QTMAN: variants seen among roughly 807,000 people sequenced by gnomAD.
QTMAN encodes tRNA-queuosine alpha-mannosyltransferase.
the QTMAN span, among the ~76,000 whole-genome samples, chr2:144,039,269 T>C: frequency 2.0e-5 from 3 of 152,162 alleles, no homozygotes; most frequent in African/African-American, 4.8e-5. Flanking sequence ...GGAGATAAAG[T>C]GTGTGATGCG....
the QTMAN span, among the ~76,000 whole-genome samples, chr2:144,304,015 A>T: frequency 6.6e-6 from 1 of 152,206 alleles, no homozygotes; most frequent in Non-Finnish European, 1.5e-5. Context: ...AAAGCACCAC[A>T]TGTCTACACA....
At chr2:144,182,134 T>C in the QTMAN span, among the ~76,000 whole-genome samples, 2 of 152,156 alleles carry the variant, frequency 1.3e-5, no homozygotes, top group Non-Finnish European at 2.9e-5. Flanking sequence ...AAGTAAAAAC[T>C]GGCCTTTAAC....
the QTMAN span, among the ~76,000 whole-genome samples, chr2:144,111,843 T>G: frequency 1.3e-5 from 2 of 152,206 alleles, no homozygotes; most frequent in Non-Finnish European, 2.9e-5. Flanking sequence ...ATGCTCGGCC[T>G]GCTTAAAAAA....
At chr2:144,211,029 A>G in the QTMAN span, 2 of 152,202 alleles carry the variant, frequency 1.3e-5, no homozygotes, top group Non-Finnish European at 2.9e-5. Flanking sequence ...AGAAAGCAAT[A>G]TAAATATTGG....
chr2:144,296,131 G>C, the QTMAN span, among the ~76,000 whole-genome samples: 1 of 152,190 alleles, frequency 6.6e-6, no homozygotes, highest in South Asian at 2.1e-4. Flanking sequence ...ACTCAGGACA[G>C]ATGGACAAGC....
At chr2:143,973,197 A>C in the QTMAN span, among the ~76,000 whole-genome samples, 1 of 152,016 alleles carries the variant, frequency 6.6e-6, no homozygotes, top group Non-Finnish European at 1.5e-5. Flanking sequence ...ACCCCAAGCT[A>C]CTTAAACTCG....
the QTMAN span, among the ~76,000 whole-genome samples, chr2:144,323,783 CAATT>C: frequency 2.0e-5 from 3 of 152,142 alleles, no homozygotes; most frequent in Non-Finnish European, 4.4e-5. Flanking sequence ...ATAACAACAG[CAATT>C]AATATTTAGT....
chr2:144,021,290 G>A, the QTMAN span, among the ~76,000 whole-genome samples: 1 of 152,300 alleles, frequency 6.6e-6, no homozygotes, highest in Admixed American at 6.5e-5. Context: ...AATGGAACAT[G>A]ACCTCAAGCT....
chr2:144,213,181 T>A, the QTMAN span, among the ~76,000 whole-genome samples: 9 of 152,208 alleles, frequency 5.9e-5, no homozygotes, highest in Non-Finnish European at 1.3e-4. Context: ...TGAATATTTT[T>A]AAATTTTTAT....
the QTMAN span, among the ~76,000 whole-genome samples, chr2:144,262,457 C>A: frequency 6.6e-6 from 1 of 150,864 alleles, no homozygotes; most frequent in Non-Finnish European, 1.5e-5. Context: ...ATAGCCTCAG[C>A]TACTCAAGAG....
At chr2:144,219,172 C>T in the QTMAN span, among the ~76,000 whole-genome samples, 1 of 151,918 alleles carries the variant, frequency 6.6e-6, no homozygotes, top group Non-Finnish European at 1.5e-5. Flanking sequence ...CTCTTGTTGC[C>T]CAGGCTGGAG....
chr2:144,007,025 T>A, the QTMAN span: 1 of 522,438 alleles, frequency 1.9e-6, no homozygotes. Flanking sequence ...GTGAAGATAT[T>A]TAGTAGTACC....
the QTMAN span, among the ~76,000 whole-genome samples, chr2:144,265,739 C>T: frequency 1.1e-4 from 17 of 152,054 alleles, no homozygotes; most frequent in Admixed American, 2.6e-4. Context: ...CTCCTCCCAC[C>T]CCTTCTCTAA....
At chr2:144,009,854 AG>A in the QTMAN span, among the ~76,000 whole-genome samples, 1 of 152,192 alleles carries the variant, frequency 6.6e-6, no homozygotes, top group East Asian at 1.9e-4. Context: ...ATTGATCACC[AG>A]AAAAGGTAAA....
the QTMAN span, among the ~76,000 whole-genome samples, chr2:143,968,384 CTCAG>C: frequency 6.6e-6 from 1 of 151,102 alleles, no homozygotes; most frequent in Non-Finnish European, 1.5e-5. Flanking sequence ...CTCCACAGTG[CTCAG>C]TAAGTATGTG....
the QTMAN span, among the ~76,000 whole-genome samples, chr2:144,171,031 C>T: frequency 3.9e-5 from 6 of 152,100 alleles, no homozygotes; most frequent in Admixed American, 3.9e-4. Flanking sequence ...TACCACTGTT[C>T]ACTAGCTGTG....
At chr2:144,205,993 C>A in the QTMAN span, among the ~76,000 whole-genome samples, 167 of 152,284 alleles carry the variant, frequency 1.1e-3, no homozygotes, top group Non-Finnish European at 1.9e-3. Context: ...AACTAAACAG[C>A]TCTAACATGA....
chr2:143,951,314 G>T, the QTMAN span, among the ~76,000 whole-genome samples: 3 of 151,386 alleles, frequency 2.0e-5, no homozygotes, highest in African/African-American at 7.3e-5. Context: ...CTTTTAGTAG[G>T]GCCTCTTTGT....
the QTMAN span, among the ~76,000 whole-genome samples, chr2:143,967,292 G>A: frequency 1.5e-4 from 22 of 151,678 alleles, no homozygotes; most frequent in South Asian, 4.2e-4. Context: ...TGTTAACAGC[G>A]TTAAGAGTAA....
Sources: allele counts gnomAD v4.1 joint callset (sites outside exome capture counted in the v4.1 genomes callset), GRCh38; gene constraint gnomAD v4.1.1; transcripts MANE v1.5; gene names NCBI Gene and HGNC (gene_info 2026-07-23, HGNC 2026-07-21).